The following AGBL4 variants were observed in gnomAD, a reference collection of about 807,000 sequenced individuals.
AGBL4 encodes the protein AGBL carboxypeptidase 4.
AGBL4 carries 58 observed loss-of-function variants against 66.4 expected under a neutral mutation model. That is an observed-to-expected ratio of 0.87 (90% CI 0.71 to 1.09). AGBL4 has a LOEUF of 1.09. Ranked by LOEUF, AGBL4 falls within the 50% of genes least tolerant of loss-of-function variation. The probability of loss-of-function intolerance (pLI) is 0.00; values close to 1 mark genes in which losing one functional copy is unlikely to be tolerated. For synonymous variants in AGBL4, 234 were observed against 222.9 expected, an observed-to-expected ratio of 1.05 and a Z score of -0.44; for missense variants, 579 against 631.0, an observed-to-expected ratio of 0.92 and a Z score of 0.88.
chr1:49,915,261 G>A (rs747166839), intron 1 of AGBL4, among the ~76,000 whole-genome samples: 48 of 152,114 alleles, frequency 3.2e-4, no homozygotes, highest in Non-Finnish European at 3.8e-4. Context: ...GCAGCCCACC[G>A]AGTGACAGCC....
intron 1 of AGBL4, among the ~76,000 whole-genome samples, chr1:49,929,646 T>C (rs929054706): frequency 1.3e-5 from 2 of 150,850 alleles, no homozygotes; most frequent in African/African-American, 4.9e-5. Flanking sequence ...TACCAATAAA[T>C]GATAAAGTTT....
At chr1:50,023,525 C>G (rs535313304) in intron 1 of AGBL4, among the ~76,000 whole-genome samples, 25 of 152,318 alleles carry the variant, frequency 1.6e-4, no homozygotes, top group African/African-American at 5.8e-4. Flanking sequence ...GGCCCATGTT[C>G]TGTCAGAAGT....
intron 5 of AGBL4, among the ~76,000 whole-genome samples, chr1:48,884,589 G>C (rs1650123644): frequency 6.6e-6 from 1 of 152,152 alleles, no homozygotes; most frequent in African/African-American, 2.4e-5. Flanking sequence ...TTGCTTCCTT[G>C]AATATTGCAT....
intron 3 of AGBL4, among the ~76,000 whole-genome samples, chr1:49,686,467 A>T (rs1310827808): frequency 6.6e-6 from 1 of 152,242 alleles, no homozygotes. Context: ...CATGAAACAA[A>T]GTCAGTCATA....
chr1:48,996,389 G>A (rs1660994292), intron 5 of AGBL4, among the ~76,000 whole-genome samples: 1 of 152,212 alleles, frequency 6.6e-6, no homozygotes, highest in South Asian at 2.1e-4. Context: ...AGAAAGCATA[G>A]TGGCTAGAGT....
At chr1:49,226,493 C>G (rs1265672680) in intron 4 of AGBL4, among the ~76,000 whole-genome samples, 1 of 152,156 alleles carries the variant, frequency 6.6e-6, no homozygotes, top group Non-Finnish European at 1.5e-5. Flanking sequence ...AATCTCTATA[C>G]CCTTCCTTAA....
intron 6 of AGBL4, among the ~76,000 whole-genome samples, chr1:48,771,537 C>T (rs781358328): frequency 1.8e-4 from 27 of 152,174 alleles, no homozygotes; most frequent in Admixed American, 1.2e-3. Flanking sequence ...GGTTAACATC[C>T]CAGTAGAATC....
chr1:48,648,049 G>A (rs1411620017), intron 8 of AGBL4, among the ~76,000 whole-genome samples: 8 of 152,056 alleles, frequency 5.3e-5, no homozygotes, highest in Non-Finnish European at 2.9e-5. Context: ...TTTGTAACAC[G>A]GTGGTAAATA....
chr1:49,562,086 T>G (rs1011883698), intron 3 of AGBL4, among the ~76,000 whole-genome samples: 1 of 152,210 alleles, frequency 6.6e-6, no homozygotes, highest in African/African-American at 2.4e-5. Context: ...TCAGGTGTTT[T>G]TTGGCTGCAT....
chr1:49,176,469 A>G (rs1334891484), intron 4 of AGBL4, among the ~76,000 whole-genome samples: 1 of 152,168 alleles, frequency 6.6e-6, no homozygotes, highest in African/African-American at 2.4e-5. Context: ...AGAATCCTCC[A>G]GTCCCATTAG....
intron 8 of AGBL4, among the ~76,000 whole-genome samples, chr1:48,652,596 CTG>C (rs1557855844): frequency 6.6e-6 from 1 of 152,158 alleles, no homozygotes; most frequent in Non-Finnish European, 1.5e-5. Flanking sequence ...AGCTCTAAAA[CTG>C]TATAATTTGG....
At chr1:48,624,930 C>T (rs980863469) in intron 9 of AGBL4, among the ~76,000 whole-genome samples, 2 of 150,644 alleles carry the variant, frequency 1.3e-5, no homozygotes, top group East Asian at 3.9e-4. Flanking sequence ...GTGCACGTGA[C>T]AGTGTCTTGC....
intron 1 of AGBL4, among the ~76,000 whole-genome samples, chr1:49,934,226 T>A (rs543986340): frequency 1.1e-4 from 16 of 152,172 alleles, no homozygotes; most frequent in African/African-American, 3.4e-4. Flanking sequence ...GATATTTAAA[T>A]GCAGCAGTGT....
At chr1:49,891,000 T>C (rs11205657) in intron 1 of AGBL4, among the ~76,000 whole-genome samples, 2,993 of 152,058 alleles carry the variant, frequency 0.02, 112 homozygotes, top group African/African-American at 0.069. Context: ...AACAATGAGA[T>C]TGAGAGAGGA....
At chr1:49,846,817 G>A (rs1646159044) in intron 2 of AGBL4, among the ~76,000 whole-genome samples, 1 of 152,154 alleles carries the variant, frequency 6.6e-6, no homozygotes, top group East Asian at 1.9e-4. Flanking sequence ...TACTCATGGA[G>A]CAGAAGAATT....
intron 1 of AGBL4, among the ~76,000 whole-genome samples, chr1:49,951,055 T>C (rs1244479340): frequency 6.6e-6 from 1 of 151,426 alleles, no homozygotes; most frequent in Non-Finnish European, 1.5e-5. Flanking sequence ...AAGCAGATAA[T>C]AGGTGGTTGC....
intron 3 of AGBL4, among the ~76,000 whole-genome samples, chr1:49,660,441 T>C (rs1027038638): frequency 6.6e-6 from 1 of 152,106 alleles, no homozygotes; most frequent in African/African-American, 2.4e-5. Flanking sequence ...TGTTAAAAAG[T>C]CAAGAAATAA....
intron 3 of AGBL4, among the ~76,000 whole-genome samples, chr1:49,254,672 A>C (rs1210543710): frequency 6.6e-6 from 1 of 152,156 alleles, no homozygotes; most frequent in African/African-American, 2.4e-5. Context: ...AAATTTTAAA[A>C]TTCCTGTGGA....
chr1:48,841,591 A>G (rs1220528877), intron 6 of AGBL4, among the ~76,000 whole-genome samples: 1 of 151,978 alleles, frequency 6.6e-6, no homozygotes, highest in Non-Finnish European at 1.5e-5. Context: ...AAGCTTTGCT[A>G]GTAAAACTGT....
Sources: gnomAD v4.1 joint callset for allele counts (sites outside exome capture counted in the v4.1 genomes callset) on GRCh38, gnomAD v4.1.1 for gene constraint, MANE v1.5 for transcripts, NCBI Gene and HGNC (gene_info 2026-07-23, HGNC 2026-07-21) for gene names.